Variants in ARHGAP31 observed in about 807,000 individuals in gnomAD.
ARHGAP31 encodes the protein rho GTPase-activating protein 31.
In ARHGAP31, 34 loss-of-function variants were observed where a neutral mutation model predicts 113.9. The observed-to-expected ratio is 0.30, with a 90% CI of 0.23 to 0.40. ARHGAP31 has a LOEUF of 0.40. ARHGAP31 is among the 10% of genes least tolerant of loss of function. ARHGAP31 has a pLI of 1.00. For synonymous variants in ARHGAP31, 650 were observed against 684.8 expected (o/e 0.95, Z 0.79); for missense variants, 1,548 against 1,767.1 (o/e 0.88, Z 2.22).
intron 6 of ARHGAP31, among the ~76,000 whole-genome samples, chr3:119,389,474 C>T (rs140081236): frequency 2.2e-4 from 33 of 152,222 alleles, no homozygotes; most frequent in African/African-American, 6.3e-4. Context: ...CTCTTTGGAT[C>T]GGGTCAAAAG....
intron 10 of ARHGAP31, among the ~76,000 whole-genome samples, chr3:119,407,603 C>T (rs6783100): frequency 1.1e-4 from 17 of 152,062 alleles, no homozygotes; most frequent in Admixed American, 2.0e-4. Flanking sequence ...AAGTAGTTAT[C>T]TATAAGAGAC....
At chr3:119,377,397 C>T (rs2080358403) in intron 3 of ARHGAP31, among the ~76,000 whole-genome samples, 1 of 152,170 alleles carries the variant, frequency 6.6e-6, no homozygotes. Context: ...TAGGAGGTGA[C>T]ATTTGAACAG....
intron 3 of ARHGAP31, among the ~76,000 whole-genome samples, chr3:119,379,922 G>A (rs1347978236): frequency 6.6e-5 from 10 of 152,344 alleles, no homozygotes; most frequent in Non-Finnish European, 1.5e-4. Flanking sequence ...TGCAGTGGGA[G>A]GGGCCGTGAG....
At chr3:119,390,017 C>T (rs2080489997) in intron 6 of ARHGAP31, among the ~76,000 whole-genome samples, 1 of 152,206 alleles carries the variant, frequency 6.6e-6, no homozygotes, top group Non-Finnish European at 1.5e-5. Context: ...TCAAAAATAT[C>T]TCCAGACATT....
chr3:119,386,830 T>G (rs548125973), intron 6 of ARHGAP31, among the ~76,000 whole-genome samples: 2 of 152,322 alleles, frequency 1.3e-5, no homozygotes, highest in East Asian at 3.9e-4. Context: ...GCCTGGCAGC[T>G]GAGACAGAGA....
Sources: allele counts gnomAD v4.1 joint callset (sites outside exome capture counted in the v4.1 genomes callset), GRCh38; gene constraint gnomAD v4.1.1; transcripts MANE v1.5; gene names NCBI Gene and HGNC (gene_info 2026-07-23, HGNC 2026-07-21).